The following CCDC3 variants were observed in gnomAD, a reference collection of about 807,000 sequenced individuals.
CCDC3 encodes coiled-coil domain containing 3.
CCDC3 carries 24 observed loss-of-function variants against 21.4 expected under a neutral mutation model. The observed-to-expected ratio is 1.12, with a 90% CI of 0.81 to 1.58. The LOEUF is 1.58. Among genes scored for constraint, CCDC3 ranks in the 40% most tolerant of loss-of-function variants. The probability of loss-of-function intolerance (pLI) is 0.00; values close to 1 mark genes in which losing one functional copy is unlikely to be tolerated. For synonymous variants in CCDC3, 186 were observed against 166.0 expected, an observed-to-expected ratio of 1.12 and a Z score of -0.93; for missense variants, 425 against 360.9, an observed-to-expected ratio of 1.18 and a Z score of -1.44.
intron 2 of CCDC3, among the ~76,000 whole-genome samples, chr10:12,940,956 G>C (rs900864886): frequency 3.2e-5 from 4 of 123,082 alleles, no homozygotes; most frequent in Non-Finnish European, 6.7e-5. Flanking sequence ...GTGATACTCT[G>C]TGGGTGTGGT....
rs1321124986 is a variant in CCDC3, at chr10:12,898,476, C to G, written c.753G>C (p.Ala251=). 6.2e-7 allele frequency: 1 copy of G among 1,613,216 alleles called. No homozygotes were observed. Among genetic ancestry groups the G allele is most frequent in the Non-Finnish European group, 8.5e-7 (1 of 1,179,592 alleles). The part of the protein sequence containing the change: ...ANQKLSEKLA[A]GALPHINARG... ...GGGCATTGATGTGCGGCAGCGCGCC[C>G]GCCGCCAGCTTCTCACTGAGTTTCT... The change falls in exon 3 of 3, where the codon GCG becomes GCC. Residue 251 remains alanine (A), a synonymous_variant. Coordinates refer to ENST00000378825, the MANE Select transcript of CCDC3 (RefSeq NM_031455.4).
intron 2 of CCDC3, among the ~76,000 whole-genome samples, chr10:12,986,027 C>A (rs1395034511): frequency 6.6e-6 from 1 of 152,224 alleles, no homozygotes; most frequent in East Asian, 1.9e-4. Context: ...AGGCGCCCGC[C>A]ACCACGCCCA....
intron 2 of CCDC3, among the ~76,000 whole-genome samples, chr10:12,959,949 T>G (rs1256806930): frequency 6.6e-6 from 1 of 152,162 alleles, no homozygotes; most frequent in Non-Finnish European, 1.5e-5. Flanking sequence ...AGGTCAAGAA[T>G]TCAAGACCAG....
At chr10:12,930,498 C>T (rs1052027147) in intron 2 of CCDC3, among the ~76,000 whole-genome samples, 6 of 152,206 alleles carry the variant, frequency 3.9e-5, no homozygotes, top group Non-Finnish European at 5.9e-5. Context: ...CTTAAGAACA[C>T]GGGATGTCAT....
chr10:12,957,830 C>A (rs763965642), intron 2 of CCDC3, among the ~76,000 whole-genome samples: 48 of 152,116 alleles, frequency 3.2e-4, no homozygotes, highest in Non-Finnish European at 5.4e-4. Flanking sequence ...GCCAGTTAAA[C>A]CTCTTTTCTT....
rs182415794 is a variant in CCDC3 at position 13,040,503 on chromosome 10, C to T, written c.-2+9171G>A. Among the ~76,000 whole-genome samples, 410 of 152,178 alleles carry T rather than the reference C, an allele frequency of 2.7e-3. 2 individuals carry two copies. The highest frequency in any genetic ancestry group is 9.5e-3 in the African/African-American group (394 of 41,500). Reference sequence around the variant, plus strand: ...GTGGATTACCTGAGGTCAGCCTGACCAACATGGTAAAACCCCATCTCTACC... The same window carrying T: ...GTGGATTACCTGAGGTCAGCCTGACTAACATGGTAAAACCCCATCTCTACC... On this transcript the variant is annotated intron_variant, in intron 5 of 6. Transcript: ENST00000378839.
chr10:12,964,704 G>C (rs1835233919), intron 2 of CCDC3, among the ~76,000 whole-genome samples: 1 of 152,124 alleles, frequency 6.6e-6, no homozygotes, highest in African/African-American at 2.4e-5. Context: ...GTAGCCAAAG[G>C]CATCCTTAAC....
intron 3 of CCDC3, among the ~76,000 whole-genome samples, chr10:13,074,723 CAT>C (rs920359901): frequency 1.3e-5 from 2 of 152,150 alleles, no homozygotes; most frequent in African/African-American, 2.4e-5. Context: ...CACACACTCA[CAT>C]GAGTTCCCCG....
intron 3 of CCDC3, among the ~76,000 whole-genome samples, chr10:13,082,703 G>A (rs901344188): frequency 9.2e-5 from 14 of 152,204 alleles, no homozygotes; most frequent in Admixed American, 9.2e-4. Context: ...GTTACCGCTA[G>A]ACCAAGGAGC....
At chr10:13,073,114 C>T (rs1049792427) in intron 4 of CCDC3, among the ~76,000 whole-genome samples, 3 of 152,150 alleles carry the variant, frequency 2.0e-5, no homozygotes, top group Non-Finnish European at 2.9e-5. Context: ...GATCCACCTG[C>T]CTTGACCTCC....
At chr10:12,975,106 G>C (rs1835396524) in intron 2 of CCDC3, among the ~76,000 whole-genome samples, 1 of 152,170 alleles carries the variant, frequency 6.6e-6, no homozygotes, top group Non-Finnish European at 1.5e-5. Flanking sequence ...CTAGTCACTA[G>C]GTAGGGTTTT....
At chr10:12,994,590 T>C (rs144333079) in intron 2 of CCDC3, among the ~76,000 whole-genome samples, 4 of 152,126 alleles carry the variant, frequency 2.6e-5, no homozygotes, top group Non-Finnish European at 5.9e-5. Context: ...GTGTTCTGAT[T>C]AACAAAAGTC....
chr10:12,940,356 C>T (rs184275600), intron 2 of CCDC3, among the ~76,000 whole-genome samples: 29 of 147,066 alleles, frequency 2.0e-4, no homozygotes, highest in Admixed American at 1.1e-3. Context: ...TATTGGTGCA[C>T]AAGAGAATAC....
At chr10:12,960,168 A>ACAACAC (rs1554756648) in intron 2 of CCDC3, among the ~76,000 whole-genome samples, 1 of 148,748 alleles carries the variant, frequency 6.7e-6, no homozygotes, top group East Asian at 2.0e-4. Context: ...ACACACACAC[A>ACAACAC]ACACACACAC....
intron 5 of CCDC3, among the ~76,000 whole-genome samples, chr10:13,048,277 T>C (rs1000623174): frequency 6.6e-6 from 1 of 152,134 alleles, no homozygotes; most frequent in East Asian, 1.9e-4. Flanking sequence ...CTGCAGCCTC[T>C]GCCTCCCAGG....
chr10:13,019,188 C>T lies in CCDC3; in HGVS notation c.-1-20676G>A, dbSNP rs1425428055. 3.9e-5 allele frequency among the ~76,000 whole-genome samples: 6 copies of T among 151,914 alleles called. No individual in the cohort carries two copies. In the East Asian group the frequency reaches 5.8e-4, roughly 15 times the overall value. On this transcript the variant is annotated intron_variant, in intron 5 of 6. Coordinates refer to the CCDC3 transcript ENST00000378839. The stretch of plus-strand genomic sequence containing the variant: ...GGCAGAGCTTACAGTGAGCCTTGAT[C>T]GTGCCACTGCACTTCAGCCTGGGTG...
intron 5 of CCDC3, among the ~76,000 whole-genome samples, chr10:13,038,374 C>CACAA (rs1836406493): frequency 1.0e-5 from 1 of 98,826 alleles, no homozygotes; most frequent in African/African-American, 4.0e-5. Flanking sequence ...AGTTGGAAAG[C>CACAA]AAAAAAAAAA....
At chr10:13,033,445 T>A (rs548214725) in intron 5 of CCDC3, among the ~76,000 whole-genome samples, 31 of 152,230 alleles carry the variant, frequency 2.0e-4, no homozygotes, top group Non-Finnish European at 3.8e-4. Flanking sequence ...GGACTTCATG[T>A]CTAAAACACC....
At position 13,000,694 on chromosome 10, in the gene CCDC3, T is replaced by C. The variant is rs554670422; in HGVS notation, c.374+503A>G. Among the ~76,000 whole-genome samples, 7 of 152,264 alleles carry C rather than the reference T, an allele frequency of 4.6e-5. No individual in the cohort carries two copies. In the East Asian group the frequency reaches 1.4e-3, roughly 29 times the overall value. On this transcript the variant is annotated intron_variant, in intron 1 of 2. Coordinates refer to ENST00000378825, the MANE Select transcript of CCDC3 (RefSeq NM_031455.4). ...CAACTTCTAACCTGCACCAGGTGCT[T>C]TGCATGAGTTACGTTCCTCACTCAA...
Sources: gnomAD v4.1 joint callset for allele counts (sites outside exome capture counted in the v4.1 genomes callset) on GRCh38, gnomAD v4.1.1 for gene constraint, MANE v1.5 for transcripts, NCBI Gene and HGNC (gene_info 2026-07-23, HGNC 2026-07-21) for gene names.